The following PCBP3 variants were observed in gnomAD, a reference collection of about 807,000 sequenced individuals.
PCBP3 encodes poly(rC)-binding protein 3.
PCBP3 carries 25 observed loss-of-function variants against 52.7 expected under a neutral mutation model. That is an observed-to-expected ratio of 0.47 (90% CI 0.35 to 0.66). The LOEUF (loss-of-function observed/expected upper bound fraction) is 0.66, where lower values mean the gene tolerates loss of function less well. Among genes scored for constraint, PCBP3 ranks in the 30% least tolerant of loss-of-function variants. PCBP3 has a pLI of 0.01. For missense variants in PCBP3, 391 were observed against 490.3 expected (o/e 0.80, Z 1.91); for synonymous variants, 162 against 183.0 (o/e 0.89, Z 0.93).
intron 4 of PCBP3, among the ~76,000 whole-genome samples, chr21:45,790,234 C>T (rs917771035): frequency 1.1e-4 from 16 of 152,048 alleles, no homozygotes; most frequent in African/African-American, 2.9e-4. Context: ...GAGGTGGTCC[C>T]GAGGACGTCA....
chr21:45,709,855 G>A (rs1471166929), intron 2 of PCBP3, among the ~76,000 whole-genome samples: 1 of 152,208 alleles, frequency 6.6e-6, no homozygotes. Context: ...CCTCTTGGCT[G>A]TGACAGCTTC....
intron 2 of PCBP3, among the ~76,000 whole-genome samples, chr21:45,700,258 T>C (rs1157157175): frequency 6.6e-6 from 1 of 152,168 alleles, no homozygotes; most frequent in Non-Finnish European, 1.5e-5. Flanking sequence ...CCCTGAAAAA[T>C]CCTGTCTTTT....
intron 2 of PCBP3, among the ~76,000 whole-genome samples, chr21:45,726,740 C>G (rs1338273334): frequency 6.6e-6 from 1 of 152,232 alleles, no homozygotes; most frequent in Non-Finnish European, 1.5e-5. Context: ...GCTCCCATGG[C>G]TGGCCTGGCT....
intron 4 of PCBP3, among the ~76,000 whole-genome samples, chr21:45,807,832 A>T (rs895188941): frequency 6.6e-6 from 1 of 152,080 alleles, no homozygotes; most frequent in African/African-American, 2.4e-5. Context: ...CCAAAACAGC[A>T]TGGTACCAAA....
intron 2 of PCBP3, among the ~76,000 whole-genome samples, chr21:45,707,826 C>T (rs776341623): frequency 2.0e-5 from 3 of 152,160 alleles, no homozygotes; most frequent in Non-Finnish European, 4.4e-5. Context: ...ATCACTGGCA[C>T]GTGCAGACAA....
intron 2 of PCBP3, among the ~76,000 whole-genome samples, chr21:45,674,879 A>G (rs1430000091): frequency 6.6e-6 from 1 of 152,108 alleles, no homozygotes; most frequent in East Asian, 1.9e-4. Flanking sequence ...CCAGCCCCAC[A>G]TGACTTCCCC....
intron 6 of PCBP3, among the ~76,000 whole-genome samples, chr21:45,898,549 CCCAGCCTCCCTCT>C (rs2095906222): frequency 1.0e-5 from 1 of 98,002 alleles, no homozygotes; most frequent in Non-Finnish European, 2.4e-5. Context: ...ACACTGTCCT[CCCAGCCTCCCTCT>C]ACACGCCATC....
chr21:45,696,438 A>G (rs1171028562), intron 2 of PCBP3, among the ~76,000 whole-genome samples: 2 of 152,178 alleles, frequency 1.3e-5, no homozygotes, highest in African/African-American at 2.4e-5. Flanking sequence ...CAATACATAT[A>G]TTAACCAAAA....
At position 45,917,813 on chromosome 21, in the gene PCBP3, C is replaced by T; in HGVS notation, c.717+184C>T. On this transcript the variant is annotated intron_variant, in intron 13 of 17. Transcript: ENST00000681687. This position sits in a 1 kb window ranked among gnomAD's most constrained non-coding sequence, Gnocchi z 5.3. ...ACCTTTTAACCTCTTAGCACTAATT[C>T]TGCTTGTGTTGAGGACTTGGCCTGA... 6.2e-6 allele frequency: 4 copies of T among 648,810 alleles called. No individual in the cohort carries two copies. The highest frequency in any genetic ancestry group is 2.8e-6 in the Non-Finnish European group (1 of 353,830). The allele number at this position is 648,810 out of a possible 1,614,324, so 40.2% of individuals were successfully genotyped here. A position where few individuals can be genotyped will look rare whatever the true frequency, so the allele number is the denominator to read the frequency against.
At chr21:45,873,696 C>T (rs917135991) in intron 5 of PCBP3, among the ~76,000 whole-genome samples, 3 of 152,196 alleles carry the variant, frequency 2.0e-5, no homozygotes, top group Non-Finnish European at 2.9e-5. Flanking sequence ...AAAGGCCTTC[C>T]GCTCTGCCCA....
chr21:45,710,068 T>C (rs1282967762), intron 2 of PCBP3, among the ~76,000 whole-genome samples: 1 of 152,234 alleles, frequency 6.6e-6, no homozygotes, highest in Non-Finnish European at 1.5e-5. Context: ...TCAGCATGAC[T>C]CATCACTGTT....
intron 1 of PCBP3, among the ~76,000 whole-genome samples, chr21:45,646,381 C>CAAGTAACAA (rs2146703947): frequency 6.6e-6 from 1 of 152,126 alleles, no homozygotes; most frequent in Non-Finnish European, 1.5e-5. Flanking sequence ...GTATGGGCAT[C>CAAGTAACAA]AAGTAACAAA....
chr21:45,923,375 G>A (rs188414605), intron 13 of PCBP3, among the ~76,000 whole-genome samples: 23 of 152,346 alleles, frequency 1.5e-4, no homozygotes, highest in South Asian at 6.2e-4. Flanking sequence ...CCCACCTGCT[G>A]TCAGAGCTGT....
At chr21:45,863,501 C>T (rs2094586835) in intron 5 of PCBP3, among the ~76,000 whole-genome samples, 1 of 152,222 alleles carries the variant, frequency 6.6e-6, no homozygotes, top group Non-Finnish European at 1.5e-5. Context: ...ATTGAAATGA[C>T]AGCGCATGAG....
intron 4 of PCBP3, among the ~76,000 whole-genome samples, chr21:45,822,966 CAT>C (rs1290722630): frequency 1.3e-5 from 2 of 152,198 alleles, no homozygotes; most frequent in Admixed American, 6.5e-5. Context: ...CTGTGACTCA[CAT>C]GTGAGGCTGA....
intron 1 of PCBP3, among the ~76,000 whole-genome samples, chr21:45,648,641 C>A (rs2079483705): frequency 6.6e-6 from 1 of 152,222 alleles, no homozygotes; most frequent in South Asian, 2.1e-4. Context: ...AGGTTTGTTT[C>A]TTTACATCCT....
intron 5 of PCBP3, among the ~76,000 whole-genome samples, chr21:45,891,176 C>T (rs967422441): frequency 2.3e-5 from 3 of 129,634 alleles, no homozygotes; most frequent in African/African-American, 7.7e-5. Context: ...GTGGAACCGC[C>T]GTGCCGCAGT....
chr21:45,922,227 T>C (rs189931415), intron 13 of PCBP3, among the ~76,000 whole-genome samples: 1 of 152,302 alleles, frequency 6.6e-6, no homozygotes, highest in Non-Finnish European at 1.5e-5. Context: ...AGGAAGGAAT[T>C]GTTTTTTCTG....
intron 3 of PCBP3, among the ~76,000 whole-genome samples, chr21:45,739,587 C>CCCG (rs35172107): frequency 1.3e-4 from 1 of 7,948 alleles, no homozygotes; most frequent in Non-Finnish European, 2.2e-4. Context: ...CCTCTGGGTG[C>CCCG]CCCCCCCCAT....
Sources: allele counts gnomAD v4.1 joint callset (sites outside exome capture counted in the v4.1 genomes callset), GRCh38; gene constraint gnomAD v4.1.1; non-coding constraint Gnocchi (gnomAD v3.1); transcripts MANE v1.5; gene names NCBI Gene and HGNC (gene_info 2026-07-23, HGNC 2026-07-21).